Variants in ANTXR1 observed in about 807,000 individuals in gnomAD.
The protein encoded by ANTXR1 is ANTXR cell adhesion molecule 1.
ANTXR1 carries 19 observed loss-of-function variants against 78.1 expected under a neutral mutation model. The ratio of observed to expected loss-of-function variants is 0.24; its 90% confidence interval spans 0.17 to 0.36. The LOEUF (loss-of-function observed/expected upper bound fraction) is 0.36. ANTXR1 is among the 10% of genes least tolerant of loss of function. The probability of loss-of-function intolerance (pLI) is 1.00; values close to 1 mark genes in which losing one functional copy is unlikely to be tolerated. For synonymous variants in ANTXR1, 273 were observed against 260.5 expected, an observed-to-expected ratio of 1.05 and a Z score of -0.46; for missense variants, 518 against 718.6, an observed-to-expected ratio of 0.72 and a Z score of 3.19.
intron 17 of ANTXR1, among the ~76,000 whole-genome samples, chr2:69,198,778 G>A (rs571901508): frequency 4.6e-5 from 7 of 152,124 alleles, no homozygotes; most frequent in Non-Finnish European, 7.4e-5. Context: ...ATGGTAATGC[G>A]AATTGTCACC....
At position 69,013,366 on chromosome 2, in the gene ANTXR1, C is replaced by A; in HGVS notation, c.-134C>A. On this transcript the variant is annotated 5_prime_UTR_variant, in exon 1 of 18. Transcript: ENST00000303714. The surrounding 1 kb of genome is among the most constrained non-coding windows in gnomAD (Gnocchi z 5.0). The stretch of plus-strand genomic sequence containing the variant: ...TTGAACTCCTCCAGACAATTGCTTC[C>A]GGGGAGTTGCGAGGGAGCGAGGGGG... 1 of 1,230,452 alleles carries A rather than the reference C, an allele frequency of 8.1e-7. No homozygotes were observed. The allele number at this position is 1,230,452 out of a possible 1,614,324, so 76.2% of individuals were successfully genotyped here. A position where few individuals can be genotyped will look rare whatever the true frequency, so the allele number is the denominator to read the frequency against.
intron 12 of ANTXR1, among the ~76,000 whole-genome samples, chr2:69,129,960 C>A (rs1672680993): frequency 6.6e-6 from 1 of 152,132 alleles, no homozygotes; most frequent in South Asian, 2.1e-4. Context: ...GACACCAACC[C>A]GAACCAGGGA....
rs138204874 is a variant in ANTXR1 at position 69,134,874 on chromosome 2, C to A, written c.951+10231C>A. 1,471 of 195,674 alleles carry A rather than the reference C, an allele frequency of 7.5e-3. 27 individuals carry two copies. Among genetic ancestry groups the A allele is most frequent in the African/African-American group, 0.03 (1,310 of 43,608 alleles). 12.1% of individuals were successfully genotyped at this position (195,674 alleles called of 1,614,324 possible). On this transcript the variant is annotated intron_variant, in intron 12 of 17. Transcript: ENST00000303714. ...GTAATTTACAAACAACACATTAGTC[C>A]CAAATCAGTCTCCTCTATTTATTAG...
intron 3 of ANTXR1, among the ~76,000 whole-genome samples, chr2:69,055,780 C>T (rs778347331): frequency 6.6e-6 from 1 of 152,074 alleles, no homozygotes; most frequent in Non-Finnish European, 1.5e-5. Context: ...TTATGTGTCT[C>T]CTGTGTCTTT....
At chr2:69,130,242 A>G (rs901033413) in intron 12 of ANTXR1, among the ~76,000 whole-genome samples, 14 of 152,228 alleles carry the variant, frequency 9.2e-5, no homozygotes, top group African/African-American at 3.4e-4. Context: ...CAATCTTTGA[A>G]GAAAAGAAAA....
chr2:69,152,204 C>T lies in ANTXR1; in HGVS notation c.987C>T (p.Ile329=), dbSNP rs749173652. The change falls in exon 13 of 18, where the codon ATC becomes ATT. Residue 329 remains isoleucine, a synonymous_variant. Coordinates refer to ENST00000303714, the MANE Select transcript of ANTXR1 (RefSeq NM_032208.3). ...CCATCCTGGCCATCGCCCTGCTGAT[C>T]CTGTTCCTGCTCCTAGCCCTGGCTC... ...DGSILAIALL[I]LFLLLALALL... 1.2e-6 allele frequency: 2 copies of T among 1,614,054 alleles called. No individual in the cohort carries two copies. The highest frequency in any genetic ancestry group is 1.7e-5 in the Admixed American group (1 of 59,996).
At chr2:69,188,679 G>T (rs538221331) in intron 16 of ANTXR1, among the ~76,000 whole-genome samples, 1 of 152,362 alleles carries the variant, frequency 6.6e-6, no homozygotes, top group South Asian at 2.1e-4. Flanking sequence ...CTTTGTCCTA[G>T]CTTCACAGAA....
chr2:69,129,887 C>T (rs1236906310), intron 12 of ANTXR1, among the ~76,000 whole-genome samples: 1 of 152,086 alleles, frequency 6.6e-6, no homozygotes, highest in Admixed American at 6.5e-5. Context: ...AGAGATAACA[C>T]CTGAGTGATT....
rs555904005 is a variant in ANTXR1, at chr2:69,038,012, A to G, written c.153-2032A>G. 4.6e-5 allele frequency among the ~76,000 whole-genome samples: 7 copies of G among 152,216 alleles called. No homozygotes were observed. The South Asian group carries it at 1.5e-3, about 32-fold the overall frequency. ...TCCCCAACTTCCATGTTTTACACCA[A>G]GGATGATCCTTCTCCCCTTGTCTTC... On this transcript the variant is annotated intron_variant, in intron 1 of 17. Transcript: ENST00000303714.
chr2:69,185,685 A>AT, intron 16 of ANTXR1, among the ~76,000 whole-genome samples: 1 of 152,156 alleles, frequency 6.6e-6, no homozygotes, highest in Non-Finnish European at 1.5e-5. Context: ...CACTGCGGTG[A>AT]TTTTTCAGGC....
intron 14 of ANTXR1, among the ~76,000 whole-genome samples, chr2:69,181,021 G>T (rs969498081): frequency 2.6e-5 from 4 of 152,322 alleles, no homozygotes; most frequent in African/African-American, 9.6e-5. Context: ...CTCAGGAGGA[G>T]GGGGGCACAT....
intron 8 of ANTXR1, among the ~76,000 whole-genome samples, chr2:69,084,848 C>CTTTTTT (rs10708894): frequency 2.1e-5 from 2 of 94,058 alleles, no homozygotes; most frequent in African/African-American, 8.4e-5. Flanking sequence ...GAAAAGGCAA[C>CTTTTTT]TTTTTTTTTT....
intron 2 of ANTXR1, among the ~76,000 whole-genome samples, chr2:69,042,188 G>A (rs1179869603): frequency 6.6e-6 from 1 of 152,094 alleles, no homozygotes; most frequent in Non-Finnish European, 1.5e-5. Flanking sequence ...TTGACATTTT[G>A]AGTCCTTTTA....
At chr2:69,192,617 T>G (rs914311681) in intron 16 of ANTXR1, among the ~76,000 whole-genome samples, 6 of 152,216 alleles carry the variant, frequency 3.9e-5, no homozygotes, top group Non-Finnish European at 5.9e-5. Context: ...CTTTCTGCCA[T>G]GTAAGGTAAC....
At position 69,248,211 on chromosome 2, in the gene ANTXR1, GTTTT is replaced by G. The variant is rs57223047; in HGVS notation, c.*2734_*2737del. The G allele has an allele frequency of 1.3e-5, 2 of 157,588 alleles. No homozygotes were observed. The highest frequency in any genetic ancestry group is 3.0e-5 in the Non-Finnish European group (2 of 66,354). The allele number at this position is 157,588 out of a possible 1,614,324, so 9.8% of individuals were successfully genotyped here. On this transcript the variant is annotated 3_prime_UTR_variant, in exon 18 of 18. Transcript: ENST00000303714. ...CCCCGTGTTATTGTCCTTTTGAACT[GTTTT>G]TTTTTTTATTAAAGCCAAATTTGTG...
At chr2:69,082,853 G>A (rs1211852813) in intron 8 of ANTXR1, among the ~76,000 whole-genome samples, 2 of 152,210 alleles carry the variant, frequency 1.3e-5, no homozygotes, top group African/African-American at 4.8e-5. Flanking sequence ...CAGGCTTCCT[G>A]TTAAGGAGAG....
rs142417854 is a variant in ANTXR1, at chr2:69,013,517, G to A, written c.18G>A (p.Arg6=). The change falls in exon 1 of 18, where the codon CGG becomes CGA. Residue 6 remains arginine (R), a synonymous_variant. Coordinates refer to ENST00000303714, the MANE Select transcript of ANTXR1 (RefSeq NM_032208.3). The surrounding 1 kb of genome is among the most constrained non-coding windows in gnomAD (Gnocchi z 5.0). ...TGCGGGCCATGGCCACGGCGGAGCG[G>A]AGAGCCCTCGGCATCGGCTTCCAGT... MATAE[R]RALGIGFQWL... 2.0e-3 allele frequency: 3,129 copies of A among 1,588,874 alleles called. 5 individuals carry two copies. The highest frequency in any genetic ancestry group is 2.5e-3 in the Non-Finnish European group (2,906 of 1,169,560).
chr2:69,158,805 A>G (rs1199668573), intron 13 of ANTXR1, among the ~76,000 whole-genome samples: 1 of 152,226 alleles, frequency 6.6e-6, no homozygotes, highest in South Asian at 2.1e-4. Context: ...TAGGTTAGCT[A>G]TATTAAATGC....
rs1217518039 is a variant in ANTXR1, at chr2:69,206,127, CCT to C, written c.1434+12715_1434+12716del. On this transcript the variant is annotated intron_variant, in intron 17 of 17. Transcript: ENST00000303714. ...CATTCCATTCCTCTAGCATTCAGCA[CCT>C]CTGTCCATTTCTGTGTTTGCCCCCA... 2.0e-5 allele frequency among the ~76,000 whole-genome samples: 3 copies of C among 152,256 alleles called. No homozygotes were observed. In the East Asian group the frequency reaches 5.8e-4, roughly 29 times the overall value.
Sources: allele counts gnomAD v4.1 joint callset (sites outside exome capture counted in the v4.1 genomes callset), GRCh38; gene constraint gnomAD v4.1.1; non-coding constraint Gnocchi (gnomAD v3.1); transcripts MANE v1.5; gene names NCBI Gene and HGNC (gene_info 2026-07-23, HGNC 2026-07-21).